RBFOX1: variants seen among roughly 807,000 people sequenced by gnomAD.
RBFOX1 encodes RNA binding fox-1 homolog 1.
In RBFOX1, 8 loss-of-function variants were observed where a neutral mutation model predicts 57.7. The ratio of observed to expected loss-of-function variants is 0.14; its 90% CI spans 0.08 to 0.25. The LOEUF is 0.25. Ranked by LOEUF, RBFOX1 falls within the 10% of genes least tolerant of loss-of-function variation. The probability of loss-of-function intolerance (pLI) is 1.00; values close to 1 mark genes in which losing one functional copy is unlikely to be tolerated. For missense variants in RBFOX1, 611 were observed against 548.5 expected, an observed-to-expected ratio of 1.11 and a Z score of -1.14; for synonymous variants, 326 against 222.4, an observed-to-expected ratio of 1.47 and a Z score of -4.15.
chr16:6,642,601 A>G lies in RBFOX1; in HGVS notation c.-63-12002A>G, dbSNP rs551644785. Reference sequence around the variant, plus strand: ...GTCCTCTCATAACCACACTCCAAAAAAAAAGTAAGGTGAAGAAAACAAAAT... The same window carrying G: ...GTCCTCTCATAACCACACTCCAAAAGAAAAGTAAGGTGAAGAAAACAAAAT... On this transcript the variant is annotated intron_variant, in intron 2 of 15. Transcript: ENST00000550418. Among the ~76,000 whole-genome samples, 3 of 152,226 alleles carry G rather than the reference A, an allele frequency of 2.0e-5. No homozygotes were observed. In the South Asian group the frequency reaches 6.2e-4, roughly 32 times the overall value.
intron 1 of RBFOX1, among the ~76,000 whole-genome samples, chr16:5,311,356 A>G (rs1372566901): frequency 6.6e-6 from 1 of 152,224 alleles, no homozygotes; most frequent in Non-Finnish European, 1.5e-5. Flanking sequence ...CTGTGCTGCA[A>G]TAAACATATG....
chr16:5,864,348 T>G (rs771796707), intron 3 of RBFOX1, among the ~76,000 whole-genome samples: 4 of 152,234 alleles, frequency 2.6e-5, no homozygotes, highest in African/African-American at 4.8e-5. Flanking sequence ...GGATACATTA[T>G]CAATGTAAAC....
chr16:7,670,331 C>T (rs1404578436), intron 13 of RBFOX1, among the ~76,000 whole-genome samples: 1 of 152,056 alleles, frequency 6.6e-6, no homozygotes. Flanking sequence ...CACGTGTGGC[C>T]AACAGGAAAC....
At chr16:6,734,663 C>T (rs1242908368) in intron 3 of RBFOX1, among the ~76,000 whole-genome samples, 3 of 152,198 alleles carry the variant, frequency 2.0e-5, no homozygotes, top group Non-Finnish European at 4.4e-5. Context: ...TCCTCTCATT[C>T]TACACATATT....
chr16:5,524,267 C>A (rs577028259), intron 2 of RBFOX1, among the ~76,000 whole-genome samples: 1 of 152,120 alleles, frequency 6.6e-6, no homozygotes, highest in Non-Finnish European at 1.5e-5. Flanking sequence ...GACATATTTC[C>A]GTGCTGTGTT....
intron 9 of RBFOX1, 79 bp from the exon 10 acceptor site, chr16:7,607,206 T>C: frequency 7.5e-7 from 1 of 1,335,940 alleles, no homozygotes; most frequent in African/African-American, 1.5e-5. Context: ...CTTTAACCCA[T>C]TTGATTTGTG....
At chr16:7,554,581 T>A (rs1373372148) in intron 5 of RBFOX1, among the ~76,000 whole-genome samples, 1 of 152,196 alleles carries the variant, frequency 6.6e-6, no homozygotes, top group East Asian at 1.9e-4. Flanking sequence ...AGTCAGCTGC[T>A]TACCTTTAGA....
intron 2 of RBFOX1, among the ~76,000 whole-genome samples, chr16:6,580,508 C>A (rs1320422895): frequency 1.3e-5 from 2 of 152,140 alleles, no homozygotes; most frequent in African/African-American, 4.8e-5. Flanking sequence ...GACATAATCC[C>A]TTATGGTCCT....
At chr16:7,173,791 T>C (rs1286002839) in intron 4 of RBFOX1, among the ~76,000 whole-genome samples, 2 of 152,212 alleles carry the variant, frequency 1.3e-5, no homozygotes, top group Non-Finnish European at 2.9e-5. Context: ...ATAAATTGAA[T>C]AGTAATATTC....
Position 7,259,559 on chromosome 16 carries a change from A to C in RBFOX1, c.27+207461A>C, listed in dbSNP as rs148514681. 6.5e-3 allele frequency among the ~76,000 whole-genome samples: 983 copies of C among 150,106 alleles called. 17 individuals are homozygous for C. The highest frequency in any genetic ancestry group is 0.023 in the African/African-American group (932 of 41,398). ...CAGGAGATAGTCAGTATAAATCTCC[A>C]ATGTAAAAAAAAAAAGGATTAAGAT... is the stretch of plus-strand genomic sequence containing the variant. On this transcript the variant is annotated intron_variant, in intron 4 of 15. Coordinates refer to ENST00000550418, the MANE Select transcript of RBFOX1 (RefSeq NM_018723.4).
intron 5 of RBFOX1, among the ~76,000 whole-genome samples, chr16:7,574,757 T>G (rs2093160030): frequency 6.6e-6 from 1 of 152,124 alleles, no homozygotes; most frequent in African/African-American, 2.4e-5. Flanking sequence ...ACCAATACTT[T>G]GCATCCTTCA....
chr16:7,592,384 G>A (rs2094488199), intron 7 of RBFOX1, among the ~76,000 whole-genome samples: 1 of 152,128 alleles, frequency 6.6e-6, no homozygotes, highest in Admixed American at 6.5e-5. Flanking sequence ...TGATTTCGGG[G>A]CAGTAGGTTT....
rs568789229 is a variant in RBFOX1 at position 5,394,906 on chromosome 16, G to C, written c.220-72310G>C. On this transcript the variant is annotated intron_variant, in intron 1 of 2. Transcript: ENST00000585867. The stretch of plus-strand genomic sequence containing the variant: ...CTTCATCTCTTGCTAGGACTGAAGT[G>C]GTAACATCCTCACTGGCCACCTTGT... Among the ~76,000 whole-genome samples the C allele has an allele frequency of 3.3e-5, 5 of 152,142 alleles. No individual in the cohort carries two copies. In the East Asian group the frequency reaches 9.7e-4, roughly 29 times the overall value.
chr16:6,788,271 G>A (rs1477794541), intron 3 of RBFOX1, among the ~76,000 whole-genome samples: 4 of 151,946 alleles, frequency 2.6e-5, no homozygotes, highest in African/African-American at 7.3e-5. Context: ...CATCATACCT[G>A]TTCTGATTTG....
At chr16:5,520,299 G>T (rs933049917) in intron 2 of RBFOX1, among the ~76,000 whole-genome samples, 1 of 152,210 alleles carries the variant, frequency 6.6e-6, no homozygotes, top group Admixed American at 6.5e-5. Context: ...TGTTCAGGTA[G>T]TAGGAATCTC....
At chr16:5,619,177 C>A (rs192245458) in intron 3 of RBFOX1, among the ~76,000 whole-genome samples, 286 of 152,290 alleles carry the variant, frequency 1.9e-3, no homozygotes, top group African/African-American at 6.6e-3. Context: ...AGCTCTAAGG[C>A]TATGTTCGTT....
intron 2 of RBFOX1, among the ~76,000 whole-genome samples, chr16:5,582,879 C>G (rs1274819314): frequency 6.6e-6 from 1 of 152,104 alleles, no homozygotes; most frequent in Non-Finnish European, 1.5e-5. Flanking sequence ...ACTGTGTATC[C>G]TTAGGCTTAC....
At chr16:6,575,539 T>G (rs2097420409) in intron 2 of RBFOX1, among the ~76,000 whole-genome samples, 1 of 151,872 alleles carries the variant, frequency 6.6e-6, no homozygotes, top group Non-Finnish European at 1.5e-5. Flanking sequence ...TGAAAACACA[T>G]GTGAACCATA....
intron 2 of RBFOX1, among the ~76,000 whole-genome samples, chr16:6,504,186 G>A (rs1050086511): frequency 6.6e-6 from 1 of 152,152 alleles, no homozygotes; most frequent in Non-Finnish European, 1.5e-5. Context: ...TATCTTCAGG[G>A]AGCTGTGCAA....
Sources: gnomAD v4.1 joint callset for allele counts (sites outside exome capture counted in the v4.1 genomes callset) on GRCh38, gnomAD v4.1.1 for gene constraint, MANE v1.5 for transcripts, NCBI Gene and HGNC (gene_info 2026-07-23, HGNC 2026-07-21) for gene names.